CYB5R3: variants seen among roughly 807,000 people sequenced by gnomAD.
CYB5R3 encodes the protein cytochrome b5 reductase 3, also known as NADH-cytochrome b5 reductase 3.
A neutral mutation model predicts 36.5 loss-of-function variants in CYB5R3; 28 were observed. The ratio of observed to expected loss-of-function variants is 0.77; its 90% CI spans 0.57 to 1.05. CYB5R3 has a LOEUF of 1.05. CYB5R3 is among the 50% of genes least tolerant of loss of function. The pLI is 0.00. For synonymous variants in CYB5R3, 181 were observed against 159.8 expected, an observed-to-expected ratio of 1.13 and a Z score of -1.00; for missense variants, 474 against 408.9, an observed-to-expected ratio of 1.16 and a Z score of -1.37.
Position 42,644,883 on chromosome 22 carries a change from G to A in CYB5R3, c.21+4412C>T, listed in dbSNP as rs574376106. On this transcript the variant is annotated intron_variant, in intron 1 of 8. Coordinates refer to ENST00000352397, the MANE Select transcript of CYB5R3 (RefSeq NM_000398.7). ...CCCCTCCGCGGGCAGCTGGCTTCAC[G>A]GGCTGCGAGGCACCTTCCCCCATTT... Among the ~76,000 whole-genome samples, 15 of 152,256 alleles carry A rather than the reference G, an allele frequency of 9.9e-5. No individual in the cohort carries two copies. In the South Asian group the frequency reaches 2.5e-3, roughly 25 times the overall value.
chr22:42,638,685 T>C (rs1483417464), intron 1 of CYB5R3, among the ~76,000 whole-genome samples: 4 of 115,814 alleles, frequency 3.5e-5, no homozygotes, highest in Non-Finnish European at 5.0e-5. Flanking sequence ...TGAGCCAAGA[T>C]CACACCACCA....
In CYB5R3 at chr22:42,619,669, G is replaced by A. The variant is rs1927846073; in HGVS notation, c.*104C>T. 8.6e-7 allele frequency: 1 copy of A among 1,159,364 alleles called. No individual in the cohort carries two copies. Among genetic ancestry groups the A allele is most frequent in the Non-Finnish European group, 1.2e-6 (1 of 823,554 alleles). 71.8% of individuals were successfully genotyped at this position (1,159,364 alleles called of 1,614,324 possible). The stretch of plus-strand genomic sequence containing the variant: ...GATTCACCAGGGCACGGGCAGGCCA[G>A]GCTGAACCCGGGGCCCCAGTGTGCG... On this transcript the variant is annotated 3_prime_UTR_variant, in exon 9 of 9. Coordinates refer to ENST00000352397, the MANE Select transcript of CYB5R3 (RefSeq NM_000398.7).
Position 42,619,435 on chromosome 22 carries a change from A to C in CYB5R3, c.*338T>G. The C allele has an allele frequency of 3.3e-6, 1 of 306,770 alleles. No individual in the cohort carries two copies. Among genetic ancestry groups the C allele is most frequent in the Non-Finnish European group, 6.2e-6 (1 of 160,400 alleles). The allele number at this position is 306,770 out of a possible 1,614,324, so 19.0% of individuals were successfully genotyped here. A position where few individuals can be genotyped will look rare whatever the true frequency, so the allele number is the denominator to read the frequency against. On this transcript the variant is annotated 3_prime_UTR_variant, in exon 9 of 9. Coordinates refer to ENST00000352397, the MANE Select transcript of CYB5R3 (RefSeq NM_000398.7). The stretch of plus-strand genomic sequence containing the variant: ...ATCCCGACTATGGTCCACGGCCGGG[A>C]ATGGTGGGCAGACGGGGCTGCTGGC...
chr22:42,635,401 G>A (rs1328237611), intron 2 of CYB5R3, among the ~76,000 whole-genome samples: 1 of 152,002 alleles, frequency 6.6e-6, no homozygotes, highest in Non-Finnish European at 1.5e-5. Context: ...ACCACGCCTG[G>A]CCTAATTTTC....
At chr22:42,643,025 G>A (rs1020400402) in intron 1 of CYB5R3, among the ~76,000 whole-genome samples, 2 of 152,182 alleles carry the variant, frequency 1.3e-5, no homozygotes, top group Non-Finnish European at 2.9e-5. Context: ...TGCTTTGTGG[G>A]ACCTGCTACG....
intron 1 of CYB5R3, among the ~76,000 whole-genome samples, chr22:42,637,072 T>A (rs532288728): frequency 6.6e-6 from 1 of 152,348 alleles, no homozygotes; most frequent in South Asian, 2.1e-4. Context: ...TGGGCTTCTA[T>A]GCTCAGTACC....
intron 1 of CYB5R3, 96 bp downstream of exon 1, chr22:42,649,199 G>T: frequency 2.0e-6 from 1 of 497,358 alleles, no homozygotes; most frequent in Non-Finnish European, 2.7e-6. Flanking sequence ...TGCGGCCCGG[G>T]TCCCGCGTCA....
intron 1 of CYB5R3, chr22:42,644,584 T>G: frequency 1.3e-6 from 2 of 1,521,816 alleles, no homozygotes; most frequent in Non-Finnish European, 1.8e-6. Flanking sequence ...TTGGTAGACT[T>G]TTCACAGCCC....
rs765272265 is a variant in CYB5R3, at chr22:42,630,921, G to A, written c.294C>T (p.Ser98=). 1 of 1,613,992 alleles carries A rather than the reference G, an allele frequency of 6.2e-7. No homozygotes were observed. The highest frequency in any genetic ancestry group is 1.7e-5 in the Admixed American group (1 of 60,002). ...CCACGAAGCCCTTGTCATCATCGCT[G>A]GAGATGGGTGTATAGGGCCGGACGA... ...NLVVRPYTPI[S]SDDDKGFVDL... The change falls in exon 4 of 9, where the codon TCC becomes TCT. Residue 98 remains serine (S), a synonymous_variant. Transcript: ENST00000352397.
rs578177573 is a variant in CYB5R3, at chr22:42,646,833, G to A, written c.21+2462C>T. On this transcript the variant is annotated intron_variant, in intron 1 of 8. Transcript: ENST00000352397. ...TGGACACAGAGCTGGGATCTGGGCC[G>A]CAGAGTAAGCATGGGGCTGCCAGGG... 25 of 985,748 alleles carry A rather than the reference G, an allele frequency of 2.5e-5. No homozygotes were observed. The East Asian group carries it at 9.1e-4, about 36-fold the overall frequency. The allele number at this position is 985,748 out of a possible 1,614,324, so 61.1% of individuals were successfully genotyped here.
intron 2 of CYB5R3, among the ~76,000 whole-genome samples, chr22:42,636,041 C>T (rs559496572): frequency 1.3e-5 from 2 of 152,182 alleles, no homozygotes; most frequent in South Asian, 4.1e-4. Flanking sequence ...AGGACGAAAC[C>T]CCACCTCTAC....
At position 42,636,718 on chromosome 22, in the gene CYB5R3, C is replaced by T. The variant is rs2285140; in HGVS notation, c.150G>A (p.Arg50=). The change falls in exon 2 of 9, where the codon CGG becomes CGA. Residue 50 remains arginine (R), a synonymous_variant. Transcript: ENST00000352397. ...DIKYPLRLID[R]EIISHDTRRF... ...AGCGGCGGCGGCCGGCACTCACCTC[C>T]CGGTCGATGAGCCGCAGCGGGTACT... 3.1e-6 allele frequency: 5 copies of T among 1,611,750 alleles called. No individual in the cohort carries two copies. The East Asian group carries it at 1.1e-4, about 36-fold the overall frequency.
intron 8 of CYB5R3, among the ~76,000 whole-genome samples, chr22:42,621,401 C>T (rs1927964891): frequency 6.6e-6 from 1 of 152,142 alleles, no homozygotes; most frequent in Non-Finnish European, 1.5e-5. Flanking sequence ...TTTCCCTGTA[C>T]CTGTCCTGAA....
chr22:42,621,665 C>CGTG (rs1927979710), intron 8 of CYB5R3, among the ~76,000 whole-genome samples: 2 of 152,252 alleles, frequency 1.3e-5, no homozygotes, highest in South Asian at 4.1e-4. Context: ...GTAACTGTCC[C>CGTG]GTGGTGGTGG....
At chr22:42,639,827 G>A in intron 1 of CYB5R3, 1 of 1,025,850 alleles carries the variant, frequency 9.7e-7, no homozygotes, top group Non-Finnish European at 1.4e-6. Flanking sequence ...AACATGGGTT[G>A]GAACTGCTTG....
intron 4 of CYB5R3, among the ~76,000 whole-genome samples, chr22:42,628,603 C>T (rs1169500400): frequency 1.3e-5 from 2 of 152,218 alleles, no homozygotes; most frequent in Non-Finnish European, 2.9e-5. Context: ...CAACGGGAGA[C>T]ACTGAACCCG....
At chr22:42,645,873 G>GAGGTGGC (rs8190395) in intron 1 of CYB5R3, among the ~76,000 whole-genome samples, 24,163 of 152,018 alleles carry the variant, frequency 0.16, 2,516 homozygotes, top group East Asian at 0.58. Flanking sequence ...AGTGGGCACT[G>GAGGTGGC]AGGTGGCAGG....
chr22:42,628,088 G>T, intron 5 of CYB5R3, 64 bp downstream of exon 5: 1 of 1,607,772 alleles, frequency 6.2e-7, no homozygotes, highest in Non-Finnish European at 8.5e-7. Flanking sequence ...CCTGCACCCA[G>T]CACGCCCAAG....
intron 4 of CYB5R3, among the ~76,000 whole-genome samples, 172 bp from the exon 5 acceptor site, chr22:42,628,453 G>A (rs934052268): frequency 1.4e-4 from 21 of 152,020 alleles, no homozygotes; most frequent in South Asian, 4.2e-4. Flanking sequence ...CCTGCACCCC[G>A]TCCTTCACCC....
Sources: allele counts gnomAD v4.1 joint callset (sites outside exome capture counted in the v4.1 genomes callset), GRCh38; gene constraint gnomAD v4.1.1; transcripts MANE v1.5; gene names NCBI Gene and HGNC (gene_info 2026-07-23, HGNC 2026-07-21).